The following TAF4 variants were observed in gnomAD, a reference collection of about 807,000 sequenced individuals.
TAF4 encodes the protein transcription initiation factor TFIID subunit 4.
A neutral mutation model predicts 90.3 loss-of-function variants in TAF4; 9 were observed. That is an observed-to-expected ratio of 0.10 (90% CI 0.06 to 0.17). The LOEUF is 0.17. Among genes scored for constraint, TAF4 ranks in the 10% least tolerant of loss-of-function variants. The probability of loss-of-function intolerance (pLI) is 1.00; values close to 1 mark genes in which losing one functional copy is unlikely to be tolerated. For missense variants in TAF4, 1,351 were observed against 1,370.7 expected, an observed-to-expected ratio of 0.99 and a Z score of 0.23; for synonymous variants, 818 against 638.9, an observed-to-expected ratio of 1.28 and a Z score of -4.23.
chr20:62,013,906 GGTGTGTGTGTGTGTGTGTGTGTGTGT>G (rs56801841), intron 2 of TAF4, among the ~76,000 whole-genome samples: 4 of 107,348 alleles, frequency 3.7e-5, no homozygotes, highest in African/African-American at 1.1e-4. Context: ...GGCTGACGCG[GGTGTGTGTGTGTGTGTGTGTGTGTGT>G]GTGTGTGTGT....
intron 1 of TAF4, among the ~76,000 whole-genome samples, chr20:62,023,747 C>CAAAAAAA (rs59813943): frequency 1.2e-4 from 7 of 59,570 alleles, no homozygotes; most frequent in South Asian, 7.1e-4. Flanking sequence ...GACTCCATCT[C>CAAAAAAA]AAAAAAAAAA....
chr20:61,995,349 T>C (rs1399686518), intron 14 of TAF4, among the ~76,000 whole-genome samples: 2 of 152,114 alleles, frequency 1.3e-5, no homozygotes, highest in African/African-American at 2.4e-5. Flanking sequence ...ATCTTAGAAT[T>C]GCAAAATAAG....
At chr20:61,991,771 C>T (rs2123112089) in intron 14 of TAF4, among the ~76,000 whole-genome samples, 1 of 152,184 alleles carries the variant, frequency 6.6e-6, no homozygotes, top group South Asian at 2.1e-4. Context: ...CCTAAGGAGA[C>T]TTGAACCGCA....
intron 14 of TAF4, among the ~76,000 whole-genome samples, chr20:61,984,163 G>A (rs3787424): frequency 0.6 from 91,695 of 151,974 alleles, 28,120 homozygotes; most frequent in Middle Eastern, 0.76. Context: ...GGAGCGGCTC[G>A]GGGATGTCCA....
chr20:62,008,776 A>G, intron 5 of TAF4: 1 of 312,344 alleles, frequency 3.2e-6, no homozygotes, highest in Non-Finnish European at 5.8e-6. Context: ...CCAGAGGAGA[A>G]GAGAGCCACA....
chr20:62,026,688 A>T (rs1182862466), intron 1 of TAF4, among the ~76,000 whole-genome samples: 1 of 152,220 alleles, frequency 6.6e-6, no homozygotes, highest in Non-Finnish European at 1.5e-5. Flanking sequence ...GGCACAGGAA[A>T]GAGCAGCCTC....
intron 14 of TAF4, among the ~76,000 whole-genome samples, chr20:61,990,512 C>T (rs569471787): frequency 5.9e-5 from 9 of 152,254 alleles, no homozygotes; most frequent in African/African-American, 1.7e-4. Context: ...GCAGCCATCA[C>T]CTGAAGGACG....
chr20:62,018,423 C>T (rs2055824667), intron 1 of TAF4, among the ~76,000 whole-genome samples: 1 of 152,230 alleles, frequency 6.6e-6, no homozygotes, highest in Admixed American at 6.5e-5. Flanking sequence ...CAAAGAAGTG[C>T]AACTCCGTCT....
chr20:62,012,834 T>G lies in TAF4; in HGVS notation c.1622A>C (p.Gln541Pro). The stretch of plus-strand genomic sequence containing the variant: ...TCTCACCTGGACGCCGGGCGAGCGC[T>G]GCAGGGTTGCACTGGGCTGCACCGT... ...QTTVQPSATLQRSPGVQPQLV... is the reference protein window; with the variant it reads ...QTTVQPSATLPRSPGVQPQLV... The change falls in exon 3 of 15, where the codon CAG (glutamine) becomes CCG (proline). Residue 541 changes from glutamine (Q) to proline (P), a missense_variant. Physicochemically the swap from Gln to Pro is moderately conservative, Grantham distance 76. Coordinates refer to ENST00000252996, the MANE Select transcript of TAF4 (RefSeq NM_003185.4). The G allele has an allele frequency of 6.2e-7, 1 of 1,613,838 alleles. No homozygotes were observed. Among genetic ancestry groups the G allele is most frequent in the Non-Finnish European group, 8.5e-7 (1 of 1,179,948 alleles).
chr20:61,993,094 C>T (rs148763181), intron 14 of TAF4, among the ~76,000 whole-genome samples: 2 of 152,270 alleles, frequency 1.3e-5, no homozygotes, highest in South Asian at 2.1e-4. Context: ...ACCCACCAAG[C>T]GGCCAAACAG....
intron 1 of TAF4, among the ~76,000 whole-genome samples, chr20:62,054,254 G>A (rs2145516968): frequency 6.6e-6 from 1 of 152,328 alleles, no homozygotes; most frequent in Middle Eastern, 3.4e-3. Flanking sequence ...GTGGCATGCA[G>A]CCTCCATTAA....
chr20:62,005,146 G>C (rs772795351), intron 7 of TAF4: 2 of 152,168 alleles, frequency 1.3e-5, no homozygotes, highest in Non-Finnish European at 2.9e-5. Context: ...GGCAGCTCAG[G>C]CAATGCTCAG....
chr20:61,978,106 C>T (rs1480085828), intron 14 of TAF4, among the ~76,000 whole-genome samples: 7 of 104,070 alleles, frequency 6.7e-5, no homozygotes, highest in East Asian at 3.2e-4. Flanking sequence ...AGGGAGGGCG[C>T]GAGACCAACC....
At chr20:62,026,740 G>A (rs915447232) in intron 1 of TAF4, among the ~76,000 whole-genome samples, 3 of 152,298 alleles carry the variant, frequency 2.0e-5, no homozygotes, top group Middle Eastern at 3.4e-3. Context: ...CAGAAATGGG[G>A]CCTCCACCAA....
chr20:62,014,444 C>G, intron 2 of TAF4, 103 bp downstream of exon 2: 1 of 1,396,160 alleles, frequency 7.2e-7, no homozygotes, highest in Non-Finnish European at 9.4e-7. Flanking sequence ...TCCCAGTCCT[C>G]ACTCCCATGG....
At chr20:62,021,947 C>T (rs2055846146) in intron 1 of TAF4, among the ~76,000 whole-genome samples, 1 of 152,184 alleles carries the variant, frequency 6.6e-6, no homozygotes, top group Admixed American at 6.5e-5. Flanking sequence ...AGGGCAGGTC[C>T]AAAGCCCGGG....
chr20:62,032,343 A>G (rs1315561413), intron 1 of TAF4, among the ~76,000 whole-genome samples: 1 of 152,176 alleles, frequency 6.6e-6, no homozygotes, highest in Non-Finnish European at 1.5e-5. Context: ...TCTCTAACCT[A>G]AAGTCTACAC....
At chr20:62,064,156 TC>T in intron 1 of TAF4, 1 of 342,174 alleles carries the variant, frequency 2.9e-6, no homozygotes, top group Non-Finnish European at 5.3e-6. Flanking sequence ...TAAGGACCAC[TC>T]CACTAAGAGT....
chr20:62,027,503 T>A (rs2055881543), intron 1 of TAF4, among the ~76,000 whole-genome samples: 1 of 152,150 alleles, frequency 6.6e-6, no homozygotes, highest in African/African-American at 2.4e-5. Flanking sequence ...ATGAACAGAT[T>A]GGAGAAAAGT....
Sources: gnomAD v4.1 joint callset for allele counts (sites outside exome capture counted in the v4.1 genomes callset) on GRCh38, gnomAD v4.1.1 for gene constraint, MANE v1.5 for transcripts, NCBI Gene and HGNC (gene_info 2026-07-23, HGNC 2026-07-21) for gene names.